RFX7: variants seen among roughly 807,000 people sequenced by gnomAD.
RFX7 encodes regulatory factor X7, also known as DNA-binding protein RFX7.
In RFX7, 26 loss-of-function variants were observed where a neutral mutation model predicts 111.8. The ratio of observed to expected loss-of-function variants is 0.23; its 90% CI spans 0.17 to 0.32. RFX7 has a LOEUF of 0.32. Ranked by LOEUF, RFX7 falls within the 10% of genes least tolerant of loss-of-function variation. The probability of loss-of-function intolerance (pLI) is 1.00; values close to 1 mark genes in which losing one functional copy is unlikely to be tolerated. For missense variants in RFX7, 1,573 were observed against 1,772.9 expected, an observed-to-expected ratio of 0.89 and a Z score of 2.02; for synonymous variants, 624 against 624.4, an observed-to-expected ratio of 1.00 and a Z score of 0.01.
chr15:56,202,032 AAAAACAAAAC>A (rs758881847), intron 2 of RFX7, among the ~76,000 whole-genome samples: 29 of 152,240 alleles, frequency 1.9e-4, no homozygotes, highest in African/African-American at 3.4e-4. Context: ...CTCTGTCTCA[AAAAACAAAAC>A]AAAACAAAAC....
intron 2 of RFX7, among the ~76,000 whole-genome samples, chr15:56,217,062 G>T (rs72738679): frequency 0.13 from 19,845 of 152,094 alleles, 1,697 homozygotes; most frequent in East Asian, 0.44. Flanking sequence ...AGAAAGAATA[G>T]TACAACCAAA....
chr15:56,169,700 CTTTTTTTTTTTTTT>C (rs35597885), intron 3 of RFX7, among the ~76,000 whole-genome samples: 3 of 96,870 alleles, frequency 3.1e-5, no homozygotes, highest in Non-Finnish European at 5.9e-5. Flanking sequence ...CTAGTCAGTT[CTTTTTTTTTTTTTT>C]TTTTTTTTTT....
At chr15:56,184,896 G>T (rs1242846926) in intron 2 of RFX7, among the ~76,000 whole-genome samples, 2 of 152,132 alleles carry the variant, frequency 1.3e-5, no homozygotes, top group African/African-American at 4.8e-5. Flanking sequence ...TATTCCCAAC[G>T]CAAGGAACAG....
chr15:56,131,586 C>T (rs2042218828), intron 5 of RFX7, among the ~76,000 whole-genome samples: 1 of 152,158 alleles, frequency 6.6e-6, no homozygotes, highest in African/African-American at 2.4e-5. Flanking sequence ...TTATAAAATA[C>T]ATCACATTGA....
intron 2 of RFX7, among the ~76,000 whole-genome samples, chr15:56,199,405 A>G (rs892433205): frequency 3.9e-5 from 6 of 152,176 alleles, no homozygotes; most frequent in Non-Finnish European, 8.8e-5. Context: ...AATATTTAAA[A>G]ATAGCTAATT....
rs569983002 is a variant in RFX7, at chr15:56,238,934, A to G, written c.161+4191T>C. Among the ~76,000 whole-genome samples, 26 of 152,198 alleles carry G rather than the reference A, an allele frequency of 1.7e-4. 1 individual carries two copies. In the East Asian group the frequency reaches 4.9e-3, roughly 28 times the overall value. On this transcript the variant is annotated intron_variant, in intron 2 of 9. Transcript: ENST00000559447. ...CTGCAACCTCCACCTCCTGGGTTCA[A>G]GGGATTCTCCTGCCTCAGCCTCCCA...
At chr15:56,115,962 T>G (rs2042004309) in intron 5 of RFX7, among the ~76,000 whole-genome samples, 1 of 151,518 alleles carries the variant, frequency 6.6e-6, no homozygotes, top group Non-Finnish European at 1.5e-5. Context: ...AAAAAAAATT[T>G]AACTGCATAT....
Position 56,238,776 on chromosome 15 carries a change from A to T in RFX7, c.161+4349T>A, listed in dbSNP as rs75032001. ...GGTACAAGTTTAATACAAGTTGACT[A>T]TCTCTTATCTGAAATGCGTGGGATC... On this transcript the variant is annotated intron_variant, in intron 2 of 9. Coordinates refer to ENST00000559447, the MANE Select transcript of RFX7 (RefSeq NM_022841.7). 3.9e-3 allele frequency among the ~76,000 whole-genome samples: 594 copies of T among 152,244 alleles called. 39 individuals are homozygous for T. The East Asian group carries it at 0.11, about 27-fold the overall frequency.
At chr15:56,241,356 T>C (rs150686275) in intron 2 of RFX7, among the ~76,000 whole-genome samples, 79 of 152,306 alleles carry the variant, frequency 5.2e-4, no homozygotes, top group East Asian at 3.7e-3. Flanking sequence ...TTTCAGTCAG[T>C]TGCCTCCACA....
At chr15:56,239,569 T>C (rs1286569579) in intron 2 of RFX7, among the ~76,000 whole-genome samples, 2 of 152,154 alleles carry the variant, frequency 1.3e-5, no homozygotes, top group Admixed American at 1.3e-4. Context: ...GCCTGGCCTA[T>C]ACAATATTTT....
chr15:56,192,931 A>G (rs1374533638), intron 2 of RFX7: 1 of 184,170 alleles, frequency 5.4e-6, no homozygotes, highest in Non-Finnish European at 1.2e-5. Flanking sequence ...GATTTTCTAC[A>G]ATGGCCTCTA....
chr15:56,204,297 G>A (rs2043227711), intron 2 of RFX7, among the ~76,000 whole-genome samples: 1 of 152,032 alleles, frequency 6.6e-6, no homozygotes, highest in African/African-American at 2.4e-5. Flanking sequence ...GGGATTATGG[G>A]CATAAGCCAC....
chr15:56,101,051 T>A (rs1401290897), intron 8 of RFX7, among the ~76,000 whole-genome samples: 1 of 152,204 alleles, frequency 6.6e-6, no homozygotes, highest in Non-Finnish European at 1.5e-5. Flanking sequence ...CATATAAAAG[T>A]ACATATAAAC....
chr15:56,184,317 G>A (rs2043013189), intron 2 of RFX7, among the ~76,000 whole-genome samples: 1 of 151,112 alleles, frequency 6.6e-6, no homozygotes, highest in Non-Finnish European at 1.5e-5. Context: ...GGGATTACAG[G>A]TGTGAGCCAC....
chr15:56,196,444 CT>C (rs1348747894), intron 2 of RFX7, among the ~76,000 whole-genome samples: 2 of 152,130 alleles, frequency 1.3e-5, no homozygotes, highest in Non-Finnish European at 2.9e-5. Context: ...ATGTATCACT[CT>C]TTTTTTTAAA....
intron 2 of RFX7, among the ~76,000 whole-genome samples, chr15:56,236,754 G>T (rs2043627983): frequency 6.6e-6 from 1 of 152,074 alleles, no homozygotes; most frequent in African/African-American, 2.4e-5. Flanking sequence ...TATGGGATAA[G>T]GTTAAACATC....
chr15:56,102,115 T>A (rs1310457956), intron 7 of RFX7, 54 bp downstream of exon 7: 1 of 1,297,990 alleles, frequency 7.7e-7, no homozygotes, highest in African/African-American at 1.5e-5. Flanking sequence ...TGCATTTCAA[T>A]GTTAATATAA....
chr15:56,182,046 C>G (rs1384663868), intron 2 of RFX7, among the ~76,000 whole-genome samples: 1 of 152,050 alleles, frequency 6.6e-6, no homozygotes, highest in Admixed American at 6.6e-5. Flanking sequence ...TCTCCCATTG[C>G]TCCCAGAAGA....
chr15:56,239,786 TCA>T, intron 2 of RFX7, among the ~76,000 whole-genome samples: 1 of 152,094 alleles, frequency 6.6e-6, no homozygotes, highest in Admixed American at 6.6e-5. Context: ...TGATCTCAAT[TCA>T]CAAACAGGCA....
Sources: gnomAD v4.1 joint callset for allele counts (sites outside exome capture counted in the v4.1 genomes callset) on GRCh38, gnomAD v4.1.1 for gene constraint, MANE v1.5 for transcripts, NCBI Gene and HGNC (gene_info 2026-07-23, HGNC 2026-07-21) for gene names.